The following VAT1L variants were observed in gnomAD, a reference collection of about 807,000 sequenced individuals.
VAT1L encodes putative NADPH-dependent quinone oxidoreductase VAT1L.
A neutral mutation model predicts 44.1 loss-of-function variants in VAT1L; 34 were observed. That is an observed-to-expected ratio of 0.77 (90% CI 0.59 to 1.03). VAT1L has a LOEUF of 1.03. VAT1L is among the 50% of genes least tolerant of loss of function. VAT1L has a pLI of 0.00. For missense variants in VAT1L, 615 were observed against 538.8 expected (o/e 1.14, Z -1.40); for synonymous variants, 253 against 202.2 (o/e 1.25, Z -2.13).
chr16:77,797,787 A>G lies in VAT1L; in HGVS notation c.233+8872A>G, dbSNP rs566556055. On this transcript the variant is annotated intron_variant, in intron 1 of 8. Coordinates refer to ENST00000302536, the MANE Select transcript of VAT1L (RefSeq NM_020927.3). ...GAGAGAGCCTTTTGGACATCTTGGC[A>G]TTTGTCACAGAAGAAAAAGTGTAAT... Among the ~76,000 whole-genome samples the G allele has an allele frequency of 2.0e-5, 3 of 152,288 alleles. No individual in the cohort carries two copies. In the South Asian group the frequency reaches 6.2e-4, roughly 32 times the overall value.
At chr16:77,916,393 C>A (rs746421646) in intron 7 of VAT1L, among the ~76,000 whole-genome samples, 1 of 152,188 alleles carries the variant, frequency 6.6e-6, no homozygotes, top group Admixed American at 6.5e-5. Context: ...GTAGCTGTAT[C>A]GTTGTGAAGC....
At chr16:77,808,738 G>A (rs531320467) in intron 1 of VAT1L, among the ~76,000 whole-genome samples, 3 of 152,244 alleles carry the variant, frequency 2.0e-5, no homozygotes, top group East Asian at 1.9e-4. Flanking sequence ...TAGGATTACA[G>A]GCATGTACCA....
At chr16:77,937,172 C>T (rs954345918) in intron 7 of VAT1L, among the ~76,000 whole-genome samples, 25 of 152,290 alleles carry the variant, frequency 1.6e-4, no homozygotes, top group African/African-American at 5.8e-4. Context: ...TGAGCCACCG[C>T]GTCCTGCCCA....
At chr16:77,970,424 T>A (rs1043868002) in intron 7 of VAT1L, among the ~76,000 whole-genome samples, 1 of 152,250 alleles carries the variant, frequency 6.6e-6, no homozygotes, top group African/African-American at 2.4e-5. Context: ...TATATGTGTG[T>A]TTTTATGGAG....
At chr16:77,858,909 G>T (rs1392772673) in intron 3 of VAT1L, among the ~76,000 whole-genome samples, 1 of 152,120 alleles carries the variant, frequency 6.6e-6, no homozygotes, top group Non-Finnish European at 1.5e-5. Context: ...GCCGAGGCGG[G>T]CGGGTCACCT....
intron 7 of VAT1L, among the ~76,000 whole-genome samples, chr16:77,906,299 G>A (rs1271566021): frequency 6.6e-6 from 1 of 152,172 alleles, no homozygotes; most frequent in Non-Finnish European, 1.5e-5. Context: ...AGCTCCTTTG[G>A]AAGCAAAACA....
At chr16:77,907,852 C>T (rs1173771260) in intron 7 of VAT1L, among the ~76,000 whole-genome samples, 1 of 152,148 alleles carries the variant, frequency 6.6e-6, no homozygotes, top group African/African-American at 2.4e-5. Context: ...TGTTTCTCAC[C>T]ATCCATCATT....
At chr16:77,925,622 A>C (rs1017590010) in intron 7 of VAT1L, among the ~76,000 whole-genome samples, 3 of 152,202 alleles carry the variant, frequency 2.0e-5, no homozygotes, top group Non-Finnish European at 4.4e-5. Flanking sequence ...AGATGAGACT[A>C]GCTAGCCCAG....
intron 7 of VAT1L, among the ~76,000 whole-genome samples, chr16:77,888,390 T>C (rs2017230005): frequency 1.3e-5 from 2 of 152,178 alleles, no homozygotes; most frequent in African/African-American, 2.4e-5. Flanking sequence ...ATACTTACTG[T>C]GTGAATGGAA....
chr16:77,906,633 G>T (rs1193205578), intron 7 of VAT1L, among the ~76,000 whole-genome samples: 1 of 152,138 alleles, frequency 6.6e-6, no homozygotes, highest in East Asian at 1.9e-4. Flanking sequence ...CAATCCCTGG[G>T]GAAACTACGG....
intron 7 of VAT1L, among the ~76,000 whole-genome samples, chr16:77,897,738 G>A (rs2017339067): frequency 6.6e-6 from 1 of 152,204 alleles, no homozygotes; most frequent in Admixed American, 6.5e-5. Context: ...GCCTCCCCAA[G>A]TGCTGGGATT....
chr16:77,910,038 T>C (rs908744881), intron 7 of VAT1L, among the ~76,000 whole-genome samples: 7 of 152,228 alleles, frequency 4.6e-5, no homozygotes, highest in African/African-American at 1.7e-4. Context: ...CATTTCTCTT[T>C]AGAAAACAAG....
At chr16:77,813,390 C>T (rs1460227018) in intron 1 of VAT1L, among the ~76,000 whole-genome samples, 1 of 152,168 alleles carries the variant, frequency 6.6e-6, no homozygotes, top group African/African-American at 2.4e-5. Flanking sequence ...TTTCATATGA[C>T]AGGGACCACA....
chr16:77,892,064 T>A (rs1313561064), intron 7 of VAT1L, among the ~76,000 whole-genome samples: 1 of 151,996 alleles, frequency 6.6e-6, no homozygotes, highest in Non-Finnish European at 1.5e-5. Flanking sequence ...AGAACAAGAC[T>A]CCGTCTCAAA....
chr16:77,826,730 G>A (rs1345815547), intron 3 of VAT1L, among the ~76,000 whole-genome samples: 1 of 152,132 alleles, frequency 6.6e-6, no homozygotes, highest in Non-Finnish European at 1.5e-5. Flanking sequence ...TTCTGAGAGT[G>A]GAAGGTACTA....
chr16:77,950,690 C>T (rs2018032136), intron 7 of VAT1L, among the ~76,000 whole-genome samples: 1 of 152,084 alleles, frequency 6.6e-6, no homozygotes, highest in South Asian at 2.1e-4. Flanking sequence ...CATTTTGCTC[C>T]AGTTTTTTGC....
chr16:77,910,971 C>G (rs892999783), intron 7 of VAT1L, among the ~76,000 whole-genome samples: 8 of 152,158 alleles, frequency 5.3e-5, no homozygotes, highest in Non-Finnish European at 1.2e-4. Context: ...AATAACTTTC[C>G]CAGAGTCACA....
intron 7 of VAT1L, among the ~76,000 whole-genome samples, chr16:77,913,272 A>G (rs891763174): frequency 6.6e-6 from 1 of 152,216 alleles, no homozygotes; most frequent in Admixed American, 6.5e-5. Context: ...TATATACACA[A>G]TATTATATAA....
chr16:77,823,444 C>A (rs569154947), intron 2 of VAT1L, among the ~76,000 whole-genome samples: 1 of 152,200 alleles, frequency 6.6e-6, no homozygotes, highest in African/African-American at 2.4e-5. Flanking sequence ...AGTTTTATCT[C>A]CAGTGCCTAG....
Sources: gnomAD v4.1 joint callset for allele counts (sites outside exome capture counted in the v4.1 genomes callset) on GRCh38, gnomAD v4.1.1 for gene constraint, MANE v1.5 for transcripts, NCBI Gene and HGNC (gene_info 2026-07-23, HGNC 2026-07-21) for gene names.